Variants in CERS3 observed in about 807,000 individuals in gnomAD.
CERS3 encodes the protein LAG1 homolog, ceramide synthase 3.
In CERS3, 33 loss-of-function variants were observed where a neutral mutation model predicts 50.3. That is an observed-to-expected ratio of 0.66 (90% CI 0.50 to 0.88). The LOEUF (loss-of-function observed/expected upper bound fraction) is 0.88. CERS3 is among the 40% of genes least tolerant of loss of function. CERS3 has a pLI of 0.00. For missense variants in CERS3, 470 were observed against 460.3 expected (o/e 1.02, Z -0.19); for synonymous variants, 176 against 155.2 (o/e 1.13, Z -0.99).
At chr15:100,463,451 AAAAAAAT>A (rs2034616472) in intron 10 of CERS3, among the ~76,000 whole-genome samples, 1 of 151,472 alleles carries the variant, frequency 6.6e-6, no homozygotes, top group Non-Finnish European at 1.5e-5. Context: ...AAAAAAAAAA[AAAAAAAT>A]TCTAAATAAA....
At chr15:100,416,166 C>G (rs1407373839) in intron 11 of CERS3, among the ~76,000 whole-genome samples, 2 of 152,026 alleles carry the variant, frequency 1.3e-5, no homozygotes, top group African/African-American at 4.8e-5. Context: ...AAAAGAGCCC[C>G]CAAATAGCCA....
intron 11 of CERS3, among the ~76,000 whole-genome samples, chr15:100,413,865 A>G (rs912092050): frequency 2.0e-5 from 2 of 102,064 alleles, no homozygotes; most frequent in Non-Finnish European, 4.6e-5. Flanking sequence ...CTGGAAACAT[A>G]TAACCTCCCA....
chr15:100,495,956 C>A (rs1479858723), intron 3 of CERS3, among the ~76,000 whole-genome samples: 1 of 152,148 alleles, frequency 6.6e-6, no homozygotes, highest in Non-Finnish European at 1.5e-5. Flanking sequence ...CCCCAGGCAA[C>A]CACTCATCTA....
chr15:100,416,131 A>AAAAGT (rs35137534), intron 11 of CERS3, among the ~76,000 whole-genome samples: 14 of 151,512 alleles, frequency 9.2e-5, no homozygotes, highest in Admixed American at 5.9e-4. Flanking sequence ...GAATTAGAAA[A>AAAAGT]ATTATAAAAT....
At chr15:100,496,608 A>G (rs2035822006) in intron 3 of CERS3, among the ~76,000 whole-genome samples, 1 of 152,168 alleles carries the variant, frequency 6.6e-6, no homozygotes, top group South Asian at 2.1e-4. Context: ...GATGCTTGCA[A>G]GACTGTATAC....
chr15:100,421,411 C>T (rs1248877622), intron 11 of CERS3, among the ~76,000 whole-genome samples: 1 of 152,002 alleles, frequency 6.6e-6, no homozygotes, highest in Non-Finnish European at 1.5e-5. Flanking sequence ...GAACTACAAA[C>T]CACTGCTCAA....
rs552937718 is a variant in CERS3 at position 100,486,167 on chromosome 15, T to C, written c.289-1499A>G. On this transcript the variant is annotated intron_variant, in intron 4 of 11. Coordinates refer to ENST00000679737, the MANE Select transcript of CERS3 (RefSeq NM_001378789.1). ...ATTTAAACCAATTGTGGATGAGTAT[T>C]GTGAGGGCCAAATAAAGCCTGCCTG... 5.3e-4 allele frequency among the ~76,000 whole-genome samples: 80 copies of C among 152,338 alleles called. 1 individual carries two copies. Among genetic ancestry groups the C allele is most frequent in the South Asian group, 1.5e-3 (7 of 4,824 alleles).
intron 2 of CERS3, among the ~76,000 whole-genome samples, chr15:100,504,968 A>C (rs896454290): frequency 6.6e-6 from 1 of 152,224 alleles, no homozygotes; most frequent in Non-Finnish European, 1.5e-5. Flanking sequence ...GCAAAAGTTC[A>C]AACTTCCTAC....
At chr15:100,412,866 A>G (rs983029127) in intron 11 of CERS3, among the ~76,000 whole-genome samples, 6 of 152,198 alleles carry the variant, frequency 3.9e-5, no homozygotes, top group African/African-American at 1.4e-4. Context: ...TTAAGTTTTC[A>G]TGTTAGACAG....
chr15:100,506,470 C>CCCCCCCG (rs3084750), intron 2 of CERS3, among the ~76,000 whole-genome samples: 11 of 133,574 alleles, frequency 8.2e-5, no homozygotes, highest in African/African-American at 3.2e-4. Context: ...GACCCCCCCG[C>CCCCCCCG]CGCCCCACAC....
chr15:100,415,849 C>T (rs1315713139), intron 11 of CERS3, among the ~76,000 whole-genome samples: 1 of 151,944 alleles, frequency 6.6e-6, no homozygotes, highest in Non-Finnish European at 1.5e-5. Context: ...GTATGTGGGG[C>T]TTAAAACTGA....
chr15:100,541,465 C>T (rs934576697), intron 1 of CERS3, among the ~76,000 whole-genome samples: 5 of 151,436 alleles, frequency 3.3e-5, no homozygotes, highest in African/African-American at 1.2e-4. Flanking sequence ...GAGCGAGACT[C>T]CATCTTAAAA....
At chr15:100,440,741 C>G (rs1275826767) in intron 11 of CERS3, among the ~76,000 whole-genome samples, 2 of 152,246 alleles carry the variant, frequency 1.3e-5, no homozygotes, top group African/African-American at 4.8e-5. Context: ...AAACATCTCA[C>G]CAATTTCAAA....
chr15:100,507,207 A>C (rs964144075), intron 2 of CERS3, among the ~76,000 whole-genome samples: 19 of 152,182 alleles, frequency 1.2e-4, no homozygotes, highest in Non-Finnish European at 1.9e-4. Flanking sequence ...TTTATGGAAG[A>C]AAAAAACAGT....
intron 3 of CERS3, 57 bp from the exon 4 acceptor site, chr15:100,490,988 A>G: frequency 3.0e-6 from 3 of 1,006,722 alleles, no homozygotes; most frequent in Non-Finnish European, 4.6e-6. Context: ...CCACGATGAC[A>G]CCAGAAAATT....
At chr15:100,517,367 A>AGGGT (rs2036521654) in intron 2 of CERS3, among the ~76,000 whole-genome samples, 2 of 152,078 alleles carry the variant, frequency 1.3e-5, no homozygotes, top group Non-Finnish European at 2.9e-5. Context: ...CATTTCCTAC[A>AGGGT]ATACCCTGAT....
intron 11 of CERS3, among the ~76,000 whole-genome samples, chr15:100,451,845 G>T (rs987774817): frequency 1.2e-4 from 19 of 152,100 alleles, no homozygotes; most frequent in Admixed American, 9.2e-4. Context: ...ATCAGATACA[G>T]ATAAAACAGA....
At chr15:100,418,409 C>A (rs1195624665) in intron 11 of CERS3, among the ~76,000 whole-genome samples, 1 of 150,410 alleles carries the variant, frequency 6.6e-6, no homozygotes, top group African/African-American at 2.4e-5. Flanking sequence ...TGAGCAAAGC[C>A]TCCAAGAAAT....
intron 1 of CERS3, among the ~76,000 whole-genome samples, chr15:100,539,256 C>T (rs752311408): frequency 6.6e-6 from 1 of 152,186 alleles, no homozygotes; most frequent in Non-Finnish European, 1.5e-5. Context: ...GTCTTCTGAG[C>T]CCTCCAAAGT....
Sources: allele counts gnomAD v4.1 joint callset (sites outside exome capture counted in the v4.1 genomes callset), GRCh38; gene constraint gnomAD v4.1.1; transcripts MANE v1.5; gene names NCBI Gene and HGNC (gene_info 2026-07-23, HGNC 2026-07-21).